Variants in TNPO1 observed in about 807,000 individuals in gnomAD.
TNPO1 encodes the protein transportin-1.
In TNPO1, 8 loss-of-function variants were observed where a neutral mutation model predicts 119.5. The ratio of observed to expected loss-of-function variants is 0.07; its 90% CI spans 0.04 to 0.12. The LOEUF is 0.12. TNPO1 is among the 10% of genes least tolerant of loss of function. The pLI, the probability that TNPO1 is intolerant of heterozygous loss-of-function variation, is 1.00. For missense variants in TNPO1, 576 were observed against 1,089.8 expected (o/e 0.53, Z 6.64); for synonymous variants, 362 against 363.0 (o/e 1.00, Z 0.03).
Position 72,821,035 on chromosome 5 carries a change from G to A in TNPO1, c.15+4283G>A, listed in dbSNP as rs114101114. Among the ~76,000 whole-genome samples the A allele has an allele frequency of 4.4e-3, 664 of 152,158 alleles. 3 individuals carry two copies. The highest frequency in any genetic ancestry group is 0.015 in the African/African-American group (641 of 41,522). Reference sequence around the variant, plus strand: ...TTTGGGGAATAAGAGAAATGAAAAGGCCCGTAAGTGCTAAAATTGAAATAT... The same window carrying A: ...TTTGGGGAATAAGAGAAATGAAAAGACCCGTAAGTGCTAAAATTGAAATAT... On this transcript the variant is annotated intron_variant, in intron 1 of 24. Transcript: ENST00000337273.
At chr5:72,849,856 A>G (rs1256025408) in intron 2 of TNPO1, among the ~76,000 whole-genome samples, 2 of 152,222 alleles carry the variant, frequency 1.3e-5, no homozygotes, top group African/African-American at 4.8e-5. Context: ...CAGGTATTAT[A>G]TGATACAGTT....
intron 3 of TNPO1, among the ~76,000 whole-genome samples, chr5:72,852,237 G>A (rs1580394577): frequency 6.6e-6 from 1 of 152,270 alleles, no homozygotes; most frequent in East Asian, 1.9e-4. Context: ...TAAAGCCTGA[G>A]TAGTCTGATT....
At chr5:72,836,670 A>G (rs111678258) in intron 1 of TNPO1, among the ~76,000 whole-genome samples, 1 of 152,188 alleles carries the variant, frequency 6.6e-6, no homozygotes, top group Non-Finnish European at 1.5e-5. Context: ...GAATTTTTCA[A>G]ATCTTTAAGT....
chr5:72,828,641 A>G (rs953432887), intron 1 of TNPO1, among the ~76,000 whole-genome samples: 5 of 152,190 alleles, frequency 3.3e-5, no homozygotes, highest in Admixed American at 6.5e-5. Context: ...ATGAAACTGC[A>G]TACGTGAGCA....
chr5:72,867,116 A>G (rs934877431), intron 6 of TNPO1, among the ~76,000 whole-genome samples: 18 of 152,020 alleles, frequency 1.2e-4, no homozygotes, highest in African/African-American at 4.3e-4. Context: ...CAGGAATTCA[A>G]GGCTGCAGTG....
At chr5:72,828,161 C>T (rs1475649316) in intron 1 of TNPO1, among the ~76,000 whole-genome samples, 2 of 152,028 alleles carry the variant, frequency 1.3e-5, no homozygotes, top group Non-Finnish European at 2.9e-5. Context: ...GATGTGGTGC[C>T]ATAAGAGGTG....
At chr5:72,878,984 T>TG (rs762182731) in intron 9 of TNPO1, 2 of 466,762 alleles carry the variant, frequency 4.3e-6, no homozygotes, top group Non-Finnish European at 8.7e-6. Flanking sequence ...CAGATTACTC[T>TG]GGCTTTGTTT....
At chr5:72,862,968 A>G (rs928517719) in intron 5 of TNPO1, among the ~76,000 whole-genome samples, 2 of 149,686 alleles carry the variant, frequency 1.3e-5, no homozygotes, top group Non-Finnish European at 3.0e-5. Flanking sequence ...TTGTAATCAT[A>G]CATTAACTCT....
intron 6 of TNPO1, chr5:72,871,612 CTG>C (rs1163598029): frequency 6.6e-6 from 1 of 152,102 alleles, no homozygotes; most frequent in African/African-American, 2.4e-5. Context: ...ATGTAAATGG[CTG>C]TCTGTAAAGG....
At chr5:72,817,461 T>G (rs1437482377) in intron 1 of TNPO1, among the ~76,000 whole-genome samples, 2 of 152,234 alleles carry the variant, frequency 1.3e-5, no homozygotes, top group African/African-American at 2.4e-5. Context: ...CGGAATGACT[T>G]TCTTTAAAAA....
At position 72,840,549 on chromosome 5, in the gene TNPO1, G is replaced by A. The variant is rs773344699; in HGVS notation, c.16-7836G>A. Among the ~76,000 whole-genome samples, 13 of 152,126 alleles carry A rather than the reference G, an allele frequency of 8.5e-5. No individual in the cohort carries two copies. The South Asian group carries it at 2.1e-3, about 24-fold the overall frequency. On this transcript the variant is annotated intron_variant, in intron 1 of 24. Coordinates refer to ENST00000337273, the MANE Select transcript of TNPO1 (RefSeq NM_002270.4). ...AAGCTACTTAACCTCTCTGAACCTC[G>A]GTTAATATAAAATGGAGTTAACATC...
At chr5:72,894,771 A>C (rs767209820) in intron 18 of TNPO1, among the ~76,000 whole-genome samples, 1 of 152,224 alleles carries the variant, frequency 6.6e-6, no homozygotes. Flanking sequence ...CCATTTCTCA[A>C]AAAACTAACA....
At chr5:72,901,657 GAC>G (rs1171523401) in intron 22 of TNPO1, among the ~76,000 whole-genome samples, 1 of 152,114 alleles carries the variant, frequency 6.6e-6, no homozygotes, top group East Asian at 1.9e-4. Context: ...CAATTTTCTA[GAC>G]ACACAAAACA....
chr5:72,901,277 A>G lies in TNPO1; in HGVS notation c.2514+204A>G, dbSNP rs67825657. 0.17 allele frequency among the ~76,000 whole-genome samples: 26,562 copies of G among 151,864 alleles called. 2,560 individuals are homozygous for G. The highest frequency in any genetic ancestry group is 0.25 in the African/African-American group (10,280 of 41,360). ...AATTTTTTTTGTCATGAAATGAGAT[A>G]GTAACAGCAGATTGGGACAACAAGG... On this transcript the variant is annotated intron_variant, in intron 22 of 24. Coordinates refer to ENST00000337273, the MANE Select transcript of TNPO1 (RefSeq NM_002270.4).
chr5:72,902,753 A>C (rs1290781355), intron 22 of TNPO1, among the ~76,000 whole-genome samples: 1 of 152,190 alleles, frequency 6.6e-6, no homozygotes, highest in South Asian at 2.1e-4. Context: ...CTTATTTTGG[A>C]TATGGTTAAA....
chr5:72,889,192 G>T (rs1023927191), intron 13 of TNPO1, among the ~76,000 whole-genome samples: 2 of 152,042 alleles, frequency 1.3e-5, no homozygotes, highest in African/African-American at 4.8e-5. Flanking sequence ...TGAGTAGCTG[G>T]GACTACAGGT....
intron 24 of TNPO1, among the ~76,000 whole-genome samples, chr5:72,906,090 G>A (rs892943671): frequency 2.6e-5 from 4 of 151,534 alleles, no homozygotes; most frequent in Non-Finnish European, 2.9e-5. Flanking sequence ...AGAAGACATC[G>A]GCACTCATAG....
chr5:72,899,609 T>A (rs932732622), intron 20 of TNPO1, among the ~76,000 whole-genome samples: 10 of 152,210 alleles, frequency 6.6e-5, no homozygotes, highest in Admixed American at 6.5e-4. Context: ...ATAGATTTTA[T>A]TATTAAATTC....
intron 6 of TNPO1, among the ~76,000 whole-genome samples, chr5:72,867,490 A>G (rs1747003542): frequency 6.6e-6 from 1 of 152,160 alleles, no homozygotes; most frequent in Non-Finnish European, 1.5e-5. Context: ...AAAAATAAGA[A>G]CCATTTTATC....
Sources: allele counts gnomAD v4.1 joint callset (sites outside exome capture counted in the v4.1 genomes callset), GRCh38; gene constraint gnomAD v4.1.1; transcripts MANE v1.5; gene names NCBI Gene and HGNC (gene_info 2026-07-23, HGNC 2026-07-21).